Variants in SLC8A1 observed in about 807,000 individuals in gnomAD.
SLC8A1 encodes sodium/calcium exchanger 1.
A neutral mutation model predicts 68.3 loss-of-function variants in SLC8A1; 18 were observed. The observed-to-expected ratio is 0.26, with a 90% CI of 0.18 to 0.39. The LOEUF (loss-of-function observed/expected upper bound fraction) is 0.39, where lower values mean the gene tolerates loss of function less well. SLC8A1 is among the 10% of genes least tolerant of loss of function. The probability of loss-of-function intolerance (pLI) is 1.00; values close to 1 mark genes in which losing one functional copy is unlikely to be tolerated. For missense variants in SLC8A1, 985 were observed against 1,156.7 expected (o/e 0.85, Z 2.15); for synonymous variants, 475 against 415.5 (o/e 1.14, Z -1.74).
chr2:40,303,129 G>C (rs998907597), intron 2 of SLC8A1, among the ~76,000 whole-genome samples: 3 of 152,164 alleles, frequency 2.0e-5, no homozygotes, highest in African/African-American at 4.8e-5. Context: ...TTTTGGATAA[G>C]TGATGATTTC....
intron 1 of SLC8A1, among the ~76,000 whole-genome samples, chr2:40,451,693 A>G (rs934537900): frequency 6.1e-5 from 9 of 148,178 alleles, no homozygotes; most frequent in African/African-American, 2.2e-4. Context: ...TCACTCTGGG[A>G]AGCGCGGACA....
chr2:40,407,191 G>C (rs1184221840), intron 2 of SLC8A1, among the ~76,000 whole-genome samples: 1 of 152,122 alleles, frequency 6.6e-6, no homozygotes, highest in African/African-American at 2.4e-5. Flanking sequence ...TCAGCCTCCT[G>C]AGTATCTGGG....
intron 1 of SLC8A1, among the ~76,000 whole-genome samples, chr2:40,444,269 G>A (rs764976732): frequency 4.6e-5 from 7 of 152,132 alleles, no homozygotes; most frequent in Non-Finnish European, 7.4e-5. Flanking sequence ...GGCCTAGGAG[G>A]TAGAGACAGC....
At chr2:40,386,743 A>C (rs998550481) in intron 2 of SLC8A1, among the ~76,000 whole-genome samples, 2 of 150,972 alleles carry the variant, frequency 1.3e-5, no homozygotes, top group African/African-American at 2.5e-5. Context: ...ATGATGGATG[A>C]GCATTGGTTA....
chr2:40,196,568 G>T (rs2053076241), intron 2 of SLC8A1, among the ~76,000 whole-genome samples: 1 of 151,946 alleles, frequency 6.6e-6, no homozygotes, highest in East Asian at 1.9e-4. Context: ...AGGTGAGCAT[G>T]GGGAATCTAT....
At chr2:40,236,681 G>T (rs1161401714) in intron 2 of SLC8A1, among the ~76,000 whole-genome samples, 6 of 152,072 alleles carry the variant, frequency 3.9e-5, no homozygotes, top group Admixed American at 2.6e-4. Flanking sequence ...AGTTGATGCA[G>T]TTTCTTCCTA....
chr2:40,301,262 A>G (rs920899389), intron 2 of SLC8A1, among the ~76,000 whole-genome samples: 2 of 152,238 alleles, frequency 1.3e-5, no homozygotes, highest in African/African-American at 2.4e-5. Context: ...ACTGGATGTT[A>G]TAAGTCCCAT....
chr2:40,108,730 G>C (rs1005532807), exon 8 of SLC8A1: 3 of 151,996 alleles, frequency 2.0e-5, no homozygotes, highest in Non-Finnish European at 4.4e-5. Context: ...TTTTTAGGTG[G>C]AATTACGTCA....
intron 2 of SLC8A1, among the ~76,000 whole-genome samples, chr2:40,368,452 A>G (rs1435779510): frequency 1.3e-5 from 2 of 151,962 alleles, no homozygotes; most frequent in Non-Finnish European, 2.9e-5. Flanking sequence ...TTATCTGTTT[A>G]ATGTTTTGTA....
At chr2:40,359,834 T>C (rs959353844) in intron 2 of SLC8A1, among the ~76,000 whole-genome samples, 1 of 152,028 alleles carries the variant, frequency 6.6e-6, no homozygotes, top group African/African-American at 2.4e-5. Context: ...GGATAAAATA[T>C]TGCTGCTGCA....
chr2:40,156,654 A>T (rs17025315), intron 6 of SLC8A1, among the ~76,000 whole-genome samples: 9,678 of 149,676 alleles, frequency 0.065, 350 homozygotes, highest in African/African-American at 0.1. Context: ...CTGGACTATA[A>T]GGAGACCTAA....
In SLC8A1 at chr2:40,329,581, T is replaced by C. The variant is rs184656862; in HGVS notation, c.1808+98892A>G. On this transcript the variant is annotated intron_variant, in intron 2 of 7. Transcript: ENST00000406785. ...AAGAGAAAAGGATTTAAGTTACTAA[T>C]GATTTTTCTTTCCAATCAGCCCTAT... Among the ~76,000 whole-genome samples the C allele has an allele frequency of 2.3e-3, 354 of 152,316 alleles. 2 individuals carry two copies. The highest frequency in any genetic ancestry group is 7.9e-3 in the African/African-American group (329 of 41,574).
chr2:40,137,992 G>C (rs1373244511), intron 7 of SLC8A1, among the ~76,000 whole-genome samples: 1 of 152,102 alleles, frequency 6.6e-6, no homozygotes, highest in Non-Finnish European at 1.5e-5. Context: ...ATACTGTTCA[G>C]ATCATCCTAA....
At chr2:40,153,212 T>C (rs1431309752) in intron 6 of SLC8A1, among the ~76,000 whole-genome samples, 1 of 152,168 alleles carries the variant, frequency 6.6e-6, no homozygotes, top group African/African-American at 2.4e-5. Flanking sequence ...GAAAGCAAGT[T>C]GGCATTTTAT....
At chr2:40,389,418 A>G (rs1311879963) in intron 2 of SLC8A1, among the ~76,000 whole-genome samples, 1 of 152,144 alleles carries the variant, frequency 6.6e-6, no homozygotes, top group Non-Finnish European at 1.5e-5. Context: ...CTAAGCTTCC[A>G]GGATTTTCCT....
chr2:40,114,240 G>T (rs2034948802), exon 8 of SLC8A1: 2 of 152,740 alleles, frequency 1.3e-5, no homozygotes, highest in South Asian at 4.2e-4. Flanking sequence ...GTCATGACTG[G>T]AACAGGATTG....
intron 2 of SLC8A1, among the ~76,000 whole-genome samples, chr2:40,369,890 A>G (rs1677481608): frequency 6.6e-6 from 1 of 151,686 alleles, no homozygotes; most frequent in South Asian, 2.1e-4. Context: ...AAAAATAAAA[A>G]AACTGCTTAA....
At chr2:40,173,349 G>T (rs385341) in intron 4 of SLC8A1, among the ~76,000 whole-genome samples, 1 of 152,060 alleles carries the variant, frequency 6.6e-6, no homozygotes, top group African/African-American at 2.4e-5. Context: ...GTAGTGCACA[G>T]TTGGGGACAT....
At chr2:40,398,149 A>G (rs936485801) in intron 2 of SLC8A1, among the ~76,000 whole-genome samples, 1 of 152,202 alleles carries the variant, frequency 6.6e-6, no homozygotes, top group Admixed American at 6.5e-5. Flanking sequence ...TTTCTTTTCC[A>G]GCTTATTTCC....
Sources: gnomAD v4.1 joint callset for allele counts (sites outside exome capture counted in the v4.1 genomes callset) on GRCh38, gnomAD v4.1.1 for gene constraint, MANE v1.5 for transcripts, NCBI Gene and HGNC (gene_info 2026-07-23, HGNC 2026-07-21) for gene names.